Variants in KIAA0586 observed in about 807,000 individuals in gnomAD.
KIAA0586 encodes the protein KIAA0586, also known as protein TALPID3.
A neutral mutation model predicts 169.8 loss-of-function variants in KIAA0586; 144 were observed. The ratio of observed to expected loss-of-function variants is 0.85; its 90% CI spans 0.74 to 0.97. KIAA0586 has a LOEUF of 0.97. KIAA0586 is among the 50% of genes least tolerant of loss of function. The pLI, the probability that KIAA0586 is intolerant of heterozygous loss-of-function variation, is 0.00. For synonymous variants in KIAA0586, 625 were observed against 612.4 expected (o/e 1.02, Z -0.30); for missense variants, 1,854 against 1,823.0 (o/e 1.02, Z -0.31).
At chr14:58,473,916 A>C (rs976456270) in intron 18 of KIAA0586, among the ~76,000 whole-genome samples, 1 of 152,100 alleles carries the variant, frequency 6.6e-6, no homozygotes, top group African/African-American at 2.4e-5. Context: ...TAAAGAAAAA[A>C]AAAAAGTAAA....
At chr14:58,508,044 A>G (rs1370796715) in intron 27 of KIAA0586, among the ~76,000 whole-genome samples, 1 of 152,060 alleles carries the variant, frequency 6.6e-6, no homozygotes, top group Non-Finnish European at 1.5e-5. Context: ...TCAGCTTCCC[A>G]AAGTGCTGGA....
chr14:58,547,499 C>CGT (rs1566969326), intron 30 of KIAA0586, among the ~76,000 whole-genome samples: 2 of 152,056 alleles, frequency 1.3e-5, no homozygotes, highest in African/African-American at 4.8e-5. Context: ...GCCCTTAACC[C>CGT]GTTACATTTG....
At chr14:58,525,524 C>T (rs903494260) in intron 29 of KIAA0586, among the ~76,000 whole-genome samples, 4 of 152,144 alleles carry the variant, frequency 2.6e-5, no homozygotes, top group African/African-American at 7.2e-5. Flanking sequence ...CGGTGCATTC[C>T]GGCCCAGATA....
chr14:58,504,939 C>T (rs1315195180), intron 27 of KIAA0586, among the ~76,000 whole-genome samples: 1 of 152,054 alleles, frequency 6.6e-6, no homozygotes, highest in African/African-American at 2.4e-5. Context: ...CTCTCATATC[C>T]CTGTCACCTA....
At position 58,481,436 on chromosome 14, in the gene KIAA0586, A is replaced by G. The variant is rs373321042; in HGVS notation, c.2945-1077A>G. Among the ~76,000 whole-genome samples, 4 of 152,216 alleles carry G rather than the reference A, an allele frequency of 2.6e-5. No individual in the cohort carries two copies. In the East Asian group the frequency reaches 5.8e-4, roughly 22 times the overall value. ...AGGACATCTGATAACAAGCACCTCA[A>G]CTGCAGTAGATGTTAATAACTGATG... On this transcript the variant is annotated intron_variant, in intron 20 of 30. Coordinates refer to ENST00000652326, the MANE Select transcript of KIAA0586 (RefSeq NM_001329943.3).
intron 3 of KIAA0586, among the ~76,000 whole-genome samples, chr14:58,431,976 A>C (rs557749531): frequency 6.6e-6 from 1 of 152,104 alleles, no homozygotes; most frequent in Non-Finnish European, 1.5e-5. Context: ...TTTTGTAGGA[A>C]TCTTTAGGGT....
intron 14 of KIAA0586, among the ~76,000 whole-genome samples, chr14:58,462,460 C>T (rs1249035118): frequency 6.6e-6 from 1 of 151,946 alleles, no homozygotes; most frequent in Non-Finnish European, 1.5e-5. Flanking sequence ...GCCACATTGG[C>T]CAGGCTCGTC....
At chr14:58,526,160 C>T (rs1023800959) in intron 29 of KIAA0586, among the ~76,000 whole-genome samples, 8 of 152,372 alleles carry the variant, frequency 5.3e-5, no homozygotes, top group African/African-American at 1.4e-4. Context: ...TCCTGCCTGC[C>T]AGCTCTGAAG....
chr14:58,454,550 C>T (rs937748758), intron 9 of KIAA0586, among the ~76,000 whole-genome samples: 9 of 152,144 alleles, frequency 5.9e-5, no homozygotes, highest in African/African-American at 2.2e-4. Flanking sequence ...CCTTTTATTC[C>T]ACCCTGAAGG....
rs2046242898 is a variant in KIAA0586, at chr14:58,535,724, T to TTAGTATA, written c.4430-4347_4430-4346insTAGTATA. On this transcript the variant is annotated intron_variant, in intron 29 of 30. Transcript: ENST00000652326. ...ATTTTTTTTTTTTTTTTTAGTGAACTCAAATTAGTATAAAAATGTAGCTAT... is the reference window on the plus strand; with the variant it reads ...ATTTTTTTTTTTTTTTTTAGTGAACTTAGTATACAAATTAGTATAAAAATGTAGCTAT... Among the ~76,000 whole-genome samples, 7 of 151,042 alleles carry TTAGTATA rather than the reference T, an allele frequency of 4.6e-5. No homozygotes were observed. The South Asian group carries it at 1.3e-3, about 27-fold the overall frequency.
chr14:58,467,577 GGTGA>G (rs2040865002), intron 15 of KIAA0586, among the ~76,000 whole-genome samples, 154 bp from the exon 16 acceptor site: 1 of 152,146 alleles, frequency 6.6e-6, no homozygotes, highest in Non-Finnish European at 1.5e-5. Context: ...CACTGGGTAT[GGTGA>G]GTATGTCGAC....
At chr14:58,520,743 C>T (rs1595470471) in intron 29 of KIAA0586, among the ~76,000 whole-genome samples, 2 of 152,090 alleles carry the variant, frequency 1.3e-5, no homozygotes, top group African/African-American at 4.8e-5. Context: ...CCAAGCTGGT[C>T]TTGAACTCCT....
At chr14:58,512,200 C>T (rs993240845) in intron 28 of KIAA0586, among the ~76,000 whole-genome samples, 2 of 152,054 alleles carry the variant, frequency 1.3e-5, no homozygotes, top group Admixed American at 6.6e-5. Flanking sequence ...TGTCTAAATC[C>T]ATTATATGTA....
intron 14 of KIAA0586, among the ~76,000 whole-genome samples, chr14:58,464,752 A>G (rs1245353456): frequency 1.3e-5 from 2 of 152,120 alleles, no homozygotes; most frequent in African/African-American, 2.4e-5. Context: ...AACATGTACT[A>G]TGTTCTTTTA....
intron 26 of KIAA0586, among the ~76,000 whole-genome samples, chr14:58,494,782 T>C (rs1170597929): frequency 6.6e-6 from 1 of 152,194 alleles, no homozygotes; most frequent in East Asian, 1.9e-4. Context: ...ACGGATGGGC[T>C]TCTGGACAGA....
chr14:58,497,819 T>C (rs912364016), intron 26 of KIAA0586, among the ~76,000 whole-genome samples: 4 of 152,118 alleles, frequency 2.6e-5, no homozygotes, highest in African/African-American at 9.7e-5. Flanking sequence ...GTTATTCCCA[T>C]TTTAAGCTGT....
intron 27 of KIAA0586, among the ~76,000 whole-genome samples, chr14:58,506,397 G>A (rs1352744298): frequency 2.0e-5 from 3 of 151,928 alleles, no homozygotes; most frequent in Admixed American, 1.3e-4. Flanking sequence ...AACTCAATGC[G>A]GCTGGACATG....
In KIAA0586 at chr14:58,487,890, A is replaced by C; in HGVS notation, c.3308A>C (p.Asp1103Ala). 1 of 1,609,350 alleles carries C rather than the reference A, an allele frequency of 6.2e-7. No individual in the cohort carries two copies. The highest frequency in any genetic ancestry group is 8.5e-7 in the Non-Finnish European group (1 of 1,177,300). ...PVKEICAEKG[D>A]DMPAIMLVNT... ...CCTTTTAAAAAAAAACCTTTAGGAG[A>C]TGATATGCCTGCCATCATGCTTGTT... The change falls in exon 23 of 31, where the codon GAT becomes GCT. Residue 1103 changes from aspartate to alanine, a missense_variant. Transcript: ENST00000652326.
intron 29 of KIAA0586, among the ~76,000 whole-genome samples, chr14:58,519,735 A>G (rs2045053410): frequency 6.6e-6 from 1 of 152,166 alleles, no homozygotes; most frequent in Non-Finnish European, 1.5e-5. Context: ...CTTATTTAAG[A>G]GAGCTTGTTT....
Sources: allele counts gnomAD v4.1 joint callset (sites outside exome capture counted in the v4.1 genomes callset), GRCh38; gene constraint gnomAD v4.1.1; transcripts MANE v1.5; gene names NCBI Gene and HGNC (gene_info 2026-07-23, HGNC 2026-07-21).